The following SPAG16 variants were observed in gnomAD, a reference collection of about 807,000 sequenced individuals.
The protein encoded by SPAG16 is sperm-associated antigen 16 protein.
A neutral mutation model predicts 80.4 loss-of-function variants in SPAG16; 86 were observed. That is an observed-to-expected ratio of 1.07 (90% confidence interval 0.90 to 1.28). The LOEUF (loss-of-function observed/expected upper bound fraction) is 1.28. Among genes scored for constraint, SPAG16 ranks in the 50% most tolerant of loss-of-function variants. The pLI is 0.00. For missense variants in SPAG16, 870 were observed against 765.3 expected, an observed-to-expected ratio of 1.14 and a Z score of -1.61; for synonymous variants, 294 against 265.9, an observed-to-expected ratio of 1.11 and a Z score of -1.03.
At chr2:213,408,903 T>C (rs1252261146) in intron 9 of SPAG16, among the ~76,000 whole-genome samples, 2 of 152,216 alleles carry the variant, frequency 1.3e-5, no homozygotes, top group Non-Finnish European at 2.9e-5. Context: ...TAGAAGGTTT[T>C]CAAGAAACGT....
At chr2:213,666,419 A>G (rs1349856890) in intron 10 of SPAG16, among the ~76,000 whole-genome samples, 2 of 152,168 alleles carry the variant, frequency 1.3e-5, no homozygotes, top group Non-Finnish European at 2.9e-5. Context: ...CTGCGAAAGA[A>G]AAGATTCAGT....
chr2:213,943,392 T>C (rs1309001109), intron 12 of SPAG16, among the ~76,000 whole-genome samples: 2 of 152,160 alleles, frequency 1.3e-5, no homozygotes, highest in African/African-American at 4.8e-5. Flanking sequence ...GTCTCTTTCT[T>C]ATTAGAGAAT....
In SPAG16 at chr2:213,316,570, A is replaced by G. The variant is rs144113275; in HGVS notation, c.399-649A>G. Among the ~76,000 whole-genome samples, 641 of 152,142 alleles carry G rather than the reference A, an allele frequency of 4.2e-3. 6 individuals carry two copies. Among genetic ancestry groups the G allele is most frequent in the African/African-American group, 0.015 (608 of 41,534 alleles). On this transcript the variant is annotated intron_variant, in intron 4 of 15. Coordinates refer to ENST00000331683, the MANE Select transcript of SPAG16 (RefSeq NM_024532.5). ...TGACTCCCTGCTGTTTTCCTGACTCATCTTTCACCATTCTCTCCTTGGTCA... is the reference window on the plus strand; with the variant it reads ...TGACTCCCTGCTGTTTTCCTGACTCGTCTTTCACCATTCTCTCCTTGGTCA...
At chr2:213,320,049 T>G (rs912196751) in intron 5 of SPAG16, among the ~76,000 whole-genome samples, 1 of 152,138 alleles carries the variant, frequency 6.6e-6, no homozygotes, top group East Asian at 1.9e-4. Flanking sequence ...GGAAGCTGCT[T>G]GATCCTTAGT....
At chr2:213,674,873 G>C (rs1478946129) in intron 10 of SPAG16, among the ~76,000 whole-genome samples, 2 of 149,546 alleles carry the variant, frequency 1.3e-5, no homozygotes, top group Non-Finnish European at 2.9e-5. Flanking sequence ...ATAGCAGCAT[G>C]ATTTATAATC....
intron 4 of SPAG16, among the ~76,000 whole-genome samples, chr2:213,315,682 C>T (rs1017881163): frequency 1.1e-5 from 1 of 89,090 alleles, no homozygotes; most frequent in Non-Finnish European, 2.3e-5. Context: ...ATCTGCATGA[C>T]TCTATTGAAA....
intron 5 of SPAG16, among the ~76,000 whole-genome samples, chr2:213,328,814 A>G (rs1286158718): frequency 6.6e-6 from 1 of 152,040 alleles, no homozygotes; most frequent in Non-Finnish European, 1.5e-5. Flanking sequence ...TTACCTGTTG[A>G]TTGGTTTGGC....
intron 9 of SPAG16, among the ~76,000 whole-genome samples, chr2:213,398,100 T>G (rs2125325365): frequency 6.6e-6 from 1 of 152,300 alleles, no homozygotes; most frequent in Middle Eastern, 3.4e-3. Flanking sequence ...AAAGAAATTA[T>G]TTTGGCTCTA....
chr2:214,093,524 G>A (rs2052368215), intron 13 of SPAG16, among the ~76,000 whole-genome samples: 1 of 146,516 alleles, frequency 6.8e-6, no homozygotes, highest in African/African-American at 2.5e-5. Context: ...ATGTATATGT[G>A]TATGTTGTGT....
At chr2:213,982,832 G>A (rs1482631768) in intron 12 of SPAG16, among the ~76,000 whole-genome samples, 3 of 151,900 alleles carry the variant, frequency 2.0e-5, no homozygotes, top group African/African-American at 4.8e-5. Flanking sequence ...ATTTGTCAAT[G>A]GAGACCAACA....
intron 13 of SPAG16, among the ~76,000 whole-genome samples, chr2:214,101,764 A>C (rs1402620225): frequency 6.6e-6 from 1 of 152,172 alleles, no homozygotes; most frequent in Non-Finnish European, 1.5e-5. Context: ...TCATCTCTAG[A>C]ATGTGAATTA....
intron 10 of SPAG16, among the ~76,000 whole-genome samples, chr2:213,688,481 G>T (rs1032779932): frequency 6.6e-6 from 1 of 152,142 alleles, no homozygotes. Flanking sequence ...TCTTTGTCAG[G>T]TAATGTTACA....
rs370877447 is a variant in SPAG16, at chr2:213,795,204, GATGTT to G, written c.1071-67275_1071-67271del. ...ACTCTGTAAATCTTACTAGTAATGAGATGTTATGTTTAGCAATGATTAAGAATTGT... is the reference window on the plus strand; with the variant it reads ...ACTCTGTAAATCTTACTAGTAATGAGATGTTTAGCAATGATTAAGAATTGT... On this transcript the variant is annotated intron_variant, in intron 10 of 15. Transcript: ENST00000331683. Among the ~76,000 whole-genome samples the G allele has an allele frequency of 4.8e-3, 725 of 152,212 alleles. 7 individuals carry two copies. The highest frequency in any genetic ancestry group is 0.017 in the African/African-American group (689 of 41,542).
intron 13 of SPAG16, among the ~76,000 whole-genome samples, chr2:214,015,517 G>T (rs1044575654): frequency 6.6e-6 from 1 of 151,590 alleles, no homozygotes; most frequent in Non-Finnish European, 1.5e-5. Flanking sequence ...AGAATCGCTT[G>T]TATCCAGGAG....
rs112641761 is a variant in SPAG16, at chr2:214,234,080, C to T, written c.1720+84814C>T. 6.8e-5 allele frequency among the ~76,000 whole-genome samples: 10 copies of T among 147,372 alleles called. No individual in the cohort carries two copies. In the South Asian group the frequency reaches 1.5e-3, roughly 22 times the overall value. The stretch of plus-strand genomic sequence containing the variant: ...GGCCCCAGTATGTGTTGTTTCCCCC[C>T]CCATGTGTCCATGTGTTCTCATTAT... On this transcript the variant is annotated intron_variant, in intron 15 of 15. Transcript: ENST00000331683.
chr2:214,141,205 A>G (rs2055338663), intron 14 of SPAG16, among the ~76,000 whole-genome samples: 1 of 152,118 alleles, frequency 6.6e-6, no homozygotes, highest in African/African-American at 2.4e-5. Context: ...ACGGTGGCTC[A>G]TGCCCGTAAT....
intron 10 of SPAG16, among the ~76,000 whole-genome samples, chr2:213,808,800 A>G (rs2071934243): frequency 1.3e-5 from 2 of 152,178 alleles, no homozygotes; most frequent in East Asian, 3.8e-4. Context: ...AAGAGTAAAG[A>G]TACAGAAAAG....
At chr2:214,361,030 T>G (rs920944493) in intron 15 of SPAG16, among the ~76,000 whole-genome samples, 6 of 151,854 alleles carry the variant, frequency 4.0e-5, no homozygotes, top group Non-Finnish European at 8.8e-5. Flanking sequence ...TTGCACGACA[T>G]TCATGAATTT....
Position 213,586,920 on chromosome 2 carries a change from G to T in SPAG16, c.1070+96830G>T, listed in dbSNP as rs1389742046. Among the ~76,000 whole-genome samples the T allele has an allele frequency of 4.6e-5, 7 of 152,294 alleles. No homozygotes were observed. The South Asian group carries it at 8.3e-4, about 18-fold the overall frequency. ...CTGGGCCCTCTGGGGTCATAGCCCTGCCCACATGGCTTTGGGAAGCCCCAC... is the reference window on the plus strand; with the variant it reads ...CTGGGCCCTCTGGGGTCATAGCCCTTCCCACATGGCTTTGGGAAGCCCCAC... On this transcript the variant is annotated intron_variant, in intron 10 of 15. Coordinates refer to ENST00000331683, the MANE Select transcript of SPAG16 (RefSeq NM_024532.5).
Sources: allele counts gnomAD v4.1 joint callset (sites outside exome capture counted in the v4.1 genomes callset), GRCh38; gene constraint gnomAD v4.1.1; transcripts MANE v1.5; gene names NCBI Gene and HGNC (gene_info 2026-07-23, HGNC 2026-07-21).